Variants in CACFD1 observed in about 807,000 individuals in gnomAD.
The protein encoded by CACFD1 is calcium channel flower homolog.
In CACFD1, 26 loss-of-function variants were observed where a neutral mutation model predicts 21.3. The ratio of observed to expected loss-of-function variants is 1.22; its 90% CI spans 0.89 to 1.69. The LOEUF (loss-of-function observed/expected upper bound fraction) is 1.69, where lower values mean the gene tolerates loss of function less well. CACFD1 is among the 40% of genes most tolerant of loss of function. CACFD1 has a pLI of 0.00. For missense variants in CACFD1, 265 were observed against 236.2 expected (o/e 1.12, Z -0.80); for synonymous variants, 121 against 106.6 (o/e 1.13, Z -0.83).
At position 133,470,251 on chromosome 9, in the gene CACFD1, A is replaced by G. The variant is rs917037263; in HGVS notation, c.*1598A>G. The G allele has an allele frequency of 1.3e-5, 2 of 152,490 alleles. No homozygotes were observed. The highest frequency in any genetic ancestry group is 2.4e-5 in the African/African-American group (1 of 41,340). 9.4% of individuals were successfully genotyped at this position (152,490 alleles called of 1,614,324 possible). Reference sequence around the variant, plus strand: ...TATGTATATGTGTGTGGGTGCACACATCTGTCCCATGTATGCAGTGAGACC... The same window carrying G: ...TATGTATATGTGTGTGGGTGCACACGTCTGTCCCATGTATGCAGTGAGACC... On this transcript the variant is annotated 3_prime_UTR_variant, in exon 5 of 5. Transcript: ENST00000316948.
chr9:133,462,039 T>C (rs1564454537), intron 1 of CACFD1: 1 of 1,281,830 alleles, frequency 7.8e-7, no homozygotes. Context: ...GATATCAGCA[T>C]TGAGGCCCCC....
chr9:133,467,955 C>T lies in CACFD1; in HGVS notation c.355C>T (p.Leu119=), dbSNP rs782308550. The change falls in exon 4 of 5, where the codon CTG becomes TTG. Residue 119 remains leucine (L), a synonymous_variant. Coordinates refer to ENST00000316948, the MANE Select transcript of CACFD1 (RefSeq NM_017586.5). ...CGTTCCCATCGTCATCAGCCTGACC[C>T]TGACCACGCTGCTGGGCAACGCCAT... is the stretch of plus-strand genomic sequence containing the variant. ...AVVPIVISLT[L]TTLLGNAIAF... is the part of the protein sequence containing the mutation. 2 of 1,613,670 alleles carry T rather than the reference C, an allele frequency of 1.2e-6. No homozygotes were observed. Among genetic ancestry groups the T allele is most frequent in the East Asian group, 2.2e-5 (1 of 44,896 alleles).
At chr9:133,462,292 C>T in intron 1 of CACFD1, 1 of 1,303,156 alleles carries the variant, frequency 7.7e-7, no homozygotes, top group Non-Finnish European at 1.0e-6. Flanking sequence ...AGGCAGGCCC[C>T]TGTGTACCTG....
intron 4 of CACFD1, 46 bp downstream of exon 4, chr9:133,468,074 GC>G (rs988575029): frequency 6.7e-7 from 1 of 1,481,620 alleles, no homozygotes; most frequent in Non-Finnish European, 9.4e-7. Context: ...TCCTCCCTCC[GC>G]CCCCCGAAGT....
At position 133,468,936 on chromosome 9, in the gene CACFD1, G is replaced by A; in HGVS notation, c.*283G>A. On this transcript the variant is annotated 3_prime_UTR_variant, in exon 5 of 5. Transcript: ENST00000316948. ...GTGGGTCTGCAGATCTCACACCACA[G>A]ACAGGGCTGCCTGTGACCTGCTGTG... 2.2e-6 allele frequency: 1 copy of A among 461,924 alleles called. No individual in the cohort carries two copies. Among genetic ancestry groups the A allele is most frequent in the Non-Finnish European group, 3.8e-6 (1 of 264,092 alleles). 28.6% of individuals were successfully genotyped at this position (461,924 alleles called of 1,614,324 possible). A position where few individuals can be genotyped will look rare whatever the true frequency, so the allele number is the denominator to read the frequency against.
In CACFD1 at chr9:133,465,452, G is replaced by A. The variant is rs1588228643; in HGVS notation, c.320+5G>A. On this transcript the variant is annotated splice_donor_5th_base_variant and intron_variant, in intron 3 of 4. Transcript: ENST00000316948. This position sits in a 1 kb window ranked among gnomAD's most constrained non-coding sequence, Gnocchi z 5.0. ...GAAGGCTGTCTTCTACTGCGGGTGA[G>A]GGGTTGCTGGGCAGGGTCCCGTGAC... 1 of 1,604,384 alleles carries A rather than the reference G, an allele frequency of 6.2e-7. No homozygotes were observed. Among genetic ancestry groups the A allele is most frequent in the African/African-American group, 1.3e-5 (1 of 74,946 alleles).
rs1006019969 is a variant in CACFD1, at chr9:133,469,035, G to GC, written c.*383dup. ...GGGCAAGTGGGACCCTGCCACCTGG[G>GC]CACTGAGCAGAGGGACCTCCCCCAG... On this transcript the variant is annotated 3_prime_UTR_variant, in exon 5 of 5. Transcript: ENST00000316948. 5 of 283,148 alleles carry GC rather than the reference G, an allele frequency of 1.8e-5. No homozygotes were observed. The highest frequency in any genetic ancestry group is 2.6e-5 in the Non-Finnish European group (4 of 151,656). The allele number at this position is 283,148 out of a possible 1,614,324, so 17.5% of individuals were successfully genotyped here.
At chr9:133,461,861 C>T (rs587637493) in intron 1 of CACFD1, 2 of 985,344 alleles carry the variant, frequency 2.0e-6, no homozygotes, top group East Asian at 2.3e-4. Context: ...GGCAGGAGTT[C>T]AGACAAGGGT....
Position 133,469,709 on chromosome 9 carries a change from C to T in CACFD1, c.*1056C>T, listed in dbSNP as rs967522686. The stretch of plus-strand genomic sequence containing the variant: ...TTCCCTCTGCCCTGTGGCCTCAGCC[C>T]GCTGGCCTCTCTGACCGTGAGGCTG... On this transcript the variant is annotated 3_prime_UTR_variant, in exon 5 of 5. Coordinates refer to ENST00000316948, the MANE Select transcript of CACFD1 (RefSeq NM_017586.5). 4 of 152,302 alleles carry T rather than the reference C, an allele frequency of 2.6e-5. No individual in the cohort carries two copies. Among genetic ancestry groups the T allele is most frequent in the African/African-American group, 4.8e-5 (2 of 41,468 alleles). 9.4% of individuals were successfully genotyped at this position (152,302 alleles called of 1,614,324 possible). A position where few individuals can be genotyped will look rare whatever the true frequency, so the allele number is the denominator to read the frequency against.
intron 2 of CACFD1, among the ~76,000 whole-genome samples, chr9:133,464,141 A>C (rs1843333767): frequency 6.6e-6 from 1 of 152,232 alleles, no homozygotes; most frequent in Non-Finnish European, 1.5e-5. Flanking sequence ...GGGTGAGGGC[A>C]GGCCCGTGTG....
At position 133,465,772 on chromosome 9, in the gene CACFD1, A is replaced by G. The variant is rs1554799427; in HGVS notation, c.320+325A>G. 1 of 278,470 alleles carries G rather than the reference A, an allele frequency of 3.6e-6. No homozygotes were observed. The highest frequency in any genetic ancestry group is 9.1e-5 in the East Asian group (1 of 10,980). 17.2% of individuals were successfully genotyped at this position (278,470 alleles called of 1,614,324 possible). ...CCGTCCACTGGGAGTTGTTAACCAG[A>G]TGATAGTAGGTCTGTAGGACATGTT... On this transcript the variant is annotated intron_variant, in intron 3 of 4. Coordinates refer to ENST00000316948, the MANE Select transcript of CACFD1 (RefSeq NM_017586.5). The surrounding 1 kb of genome is among the most constrained non-coding windows in gnomAD (Gnocchi z 5.0).
intron 3 of CACFD1, 94 bp from the exon 4 acceptor site, chr9:133,467,827 G>A (rs888084568): frequency 9.1e-6 from 8 of 882,964 alleles, no homozygotes; most frequent in Admixed American, 7.3e-5. Context: ...TGCCCTGGGT[G>A]TCTAGGAAGG....
Position 133,468,637 on chromosome 9 carries a change from T to C in CACFD1, c.503T>C (p.Leu168Pro). The change falls in exon 5 of 5, where the codon CTG becomes CCG. Residue 168 changes from leucine (L) to proline (P), a missense_variant. Leu to Pro is a moderately conservative substitution (Grantham distance 98, BLOSUM62 -3). Transcript: ENST00000316948. ...GATGAGGAGAAGCTCGCGGAGACCC[T>C]GGAGGGGGAGCTGTGAAGGGCTGGG... ...QADEEKLAETLEGEL is the reference protein window; with the variant it reads ...QADEEKLAETPEGEL 6.3e-7 allele frequency: 1 copy of C among 1,579,518 alleles called. No individual in the cohort carries two copies. The highest frequency in any genetic ancestry group is 8.6e-7 in the Non-Finnish European group (1 of 1,165,714).
In CACFD1 at chr9:133,460,215, G is replaced by A. The variant is rs1554798030; in HGVS notation, c.121+28G>A. ...GAGTATCCAGTCGGGGAGAGGGGCC[G>A]GCCCCGCCGCGCATGCGCTCCTCGC... On this transcript the variant is annotated intron_variant, in intron 1 of 4. Transcript: ENST00000316948. The A allele has an allele frequency of 2.7e-6, 4 of 1,504,680 alleles. No homozygotes were observed. In the African/African-American group the frequency reaches 4.3e-5, roughly 16 times the overall value. The allele number at this position is 1,504,680 out of a possible 1,614,324, so 93.2% of individuals were successfully genotyped here.
chr9:133,460,274 G>C, intron 1 of CACFD1, 87 bp downstream of exon 1: 1 of 1,271,280 alleles, frequency 7.9e-7, no homozygotes, highest in Non-Finnish European at 1.0e-6. Context: ...GGCGGCCCCA[G>C]GGGAAAGGAC....
rs111773589 is a variant in CACFD1 at position 133,461,488 on chromosome 9, G to C, written c.121+1301G>C. Among the ~76,000 whole-genome samples, 29 of 152,364 alleles carry C rather than the reference G, an allele frequency of 1.9e-4. 1 individual carries two copies. The highest frequency in any genetic ancestry group is 6.5e-4 in the African/African-American group (27 of 41,582). Reference sequence around the variant, plus strand: ...GATCCAGTCCTGTCATGTCTGGTTAGCTGTTTTCCCTGCAGATTAGGGTGG... The same window carrying C: ...GATCCAGTCCTGTCATGTCTGGTTACCTGTTTTCCCTGCAGATTAGGGTGG... On this transcript the variant is annotated intron_variant, in intron 1 of 4. Transcript: ENST00000316948.
At chr9:133,460,465 G>GGGGGCGGC (rs1554798171) in intron 1 of CACFD1, among the ~76,000 whole-genome samples, 2 of 130,448 alleles carry the variant, frequency 1.5e-5, no homozygotes, top group African/African-American at 5.5e-5. Flanking sequence ...CCCCAGGGCG[G>GGGGGCGGC]GGGGGCGGCG....
At chr9:133,464,372 G>C (rs1164202259) in intron 2 of CACFD1, among the ~76,000 whole-genome samples, 1 of 152,200 alleles carries the variant, frequency 6.6e-6, no homozygotes, top group African/African-American at 2.4e-5. Flanking sequence ...GCCCAGCCCA[G>C]CTTCAGGGGG....
At chr9:133,460,446 G>T (rs903497240) in intron 1 of CACFD1, among the ~76,000 whole-genome samples, 1 of 82,352 alleles carries the variant, frequency 1.2e-5, no homozygotes, top group Admixed American at 1.3e-4. Flanking sequence ...TTCCCGGAGG[G>T]ACCAGAAACC....
Sources: gnomAD v4.1 joint callset for allele counts (sites outside exome capture counted in the v4.1 genomes callset) on GRCh38, gnomAD v4.1.1 for gene constraint, Gnocchi (gnomAD v3.1) non-coding constraint, MANE v1.5 for transcripts, NCBI Gene and HGNC (gene_info 2026-07-23, HGNC 2026-07-21) for gene names.